FRMD4A: variants seen among roughly 807,000 people sequenced by gnomAD.
FRMD4A encodes FERM domain containing 4A.
In FRMD4A, 29 loss-of-function variants were observed where a neutral mutation model predicts 129.1. The ratio of observed to expected loss-of-function variants is 0.22; its 90% confidence interval spans 0.17 to 0.31. The LOEUF is 0.31. Ranked by LOEUF, FRMD4A falls within the 10% of genes least tolerant of loss-of-function variation. FRMD4A has a pLI of 1.00. For missense variants in FRMD4A, 1,272 were observed against 1,375.8 expected, an observed-to-expected ratio of 0.92 and a Z score of 1.19; for synonymous variants, 634 against 571.6, an observed-to-expected ratio of 1.11 and a Z score of -1.56.
At chr10:13,695,587 A>G (rs148708066) in intron 14 of FRMD4A, among the ~76,000 whole-genome samples, 68 of 152,366 alleles carry the variant, frequency 4.5e-4, no homozygotes, top group Non-Finnish European at 6.5e-4. Context: ...TGAAGGCAAC[A>G]GGCTTTGCCA....
chr10:13,779,998 G>C (rs1420759793), intron 6 of FRMD4A, among the ~76,000 whole-genome samples: 1 of 152,026 alleles, frequency 6.6e-6, no homozygotes, highest in Non-Finnish European at 1.5e-5. Context: ...TGCATGCCGG[G>C]GGTAGCCAGT....
At chr10:13,750,117 A>AAAGAAAGAAAAG (rs758199619) in intron 8 of FRMD4A, among the ~76,000 whole-genome samples, 1 of 133,124 alleles carries the variant, frequency 7.5e-6, no homozygotes, top group Non-Finnish European at 1.6e-5. Context: ...ATGAAGAAAG[A>AAAGAAAGAAAAG]AAGAAAGAAA....
intron 3 of FRMD4A, among the ~76,000 whole-genome samples, chr10:13,846,680 G>A (rs893601229): frequency 6.6e-6 from 1 of 152,224 alleles, no homozygotes; most frequent in Non-Finnish European, 1.5e-5. Flanking sequence ...AGAGTAGGTG[G>A]TTTGGGCACA....
At chr10:14,137,873 G>C (rs1321211076) in intron 2 of FRMD4A, among the ~76,000 whole-genome samples, 1 of 151,964 alleles carries the variant, frequency 6.6e-6, no homozygotes, top group Non-Finnish European at 1.5e-5. Context: ...ACTTTCATGA[G>C]ATGAGATTAT....
chr10:13,865,065 C>T (rs756980123), intron 2 of FRMD4A, among the ~76,000 whole-genome samples: 1 of 146,358 alleles, frequency 6.8e-6, no homozygotes, highest in Non-Finnish European at 1.5e-5. Flanking sequence ...GCCTCAACCT[C>T]CTGGGCTCAA....
chr10:13,657,561 GT>G, intron 21 of FRMD4A, 39 bp from the exon 22 acceptor site: 1 of 1,512,034 alleles, frequency 6.6e-7, no homozygotes, highest in Non-Finnish European at 8.8e-7. Flanking sequence ...GGGGTGGGGA[GT>G]GGGCCCAAGG....
At chr10:13,732,760 C>T (rs759683404) in intron 12 of FRMD4A, among the ~76,000 whole-genome samples, 8 of 152,222 alleles carry the variant, frequency 5.3e-5, no homozygotes, top group Non-Finnish European at 1.2e-4. Flanking sequence ...AGTGCCACCC[C>T]TCCCAGATGG....
chr10:13,986,827 C>T (rs1404374189), intron 2 of FRMD4A, among the ~76,000 whole-genome samples: 2 of 151,876 alleles, frequency 1.3e-5, no homozygotes, highest in African/African-American at 4.8e-5. Context: ...AGAAGAACCA[C>T]TGCTGTAGAC....
chr10:14,043,297 G>A (rs1316034411), intron 2 of FRMD4A, among the ~76,000 whole-genome samples: 1 of 152,076 alleles, frequency 6.6e-6, no homozygotes, highest in African/African-American at 2.4e-5. Flanking sequence ...AGTTCTGAAG[G>A]AATTCTAAAA....
intron 6 of FRMD4A, among the ~76,000 whole-genome samples, chr10:13,769,001 T>C (rs2092373202): frequency 6.7e-6 from 1 of 149,518 alleles, no homozygotes; most frequent in Non-Finnish European, 1.5e-5. Flanking sequence ...TTTTTTTTTT[T>C]TTTTTTGAGA....
chr10:14,299,595 T>G (rs1846119374), intron 2 of FRMD4A, among the ~76,000 whole-genome samples: 1 of 152,142 alleles, frequency 6.6e-6, no homozygotes, highest in Non-Finnish European at 1.5e-5. Flanking sequence ...CCAATCTCCA[T>G]TCCCCAGCAC....
intron 2 of FRMD4A, among the ~76,000 whole-genome samples, chr10:14,253,532 T>C (rs1473142016): frequency 1.3e-5 from 2 of 152,220 alleles, no homozygotes; most frequent in East Asian, 3.8e-4. Context: ...GGACAGATCG[T>C]TATAGCTTTA....
intron 2 of FRMD4A, among the ~76,000 whole-genome samples, chr10:14,085,485 T>A (rs1272722075): frequency 6.6e-6 from 1 of 152,216 alleles, no homozygotes; most frequent in African/African-American, 2.4e-5. Context: ...AGCCCCTGGA[T>A]GAGGCTCTGA....
At chr10:14,247,657 A>T (rs1213556587) in intron 2 of FRMD4A, among the ~76,000 whole-genome samples, 2 of 152,146 alleles carry the variant, frequency 1.3e-5, no homozygotes, top group African/African-American at 4.8e-5. Context: ...TTCCTTTAAA[A>T]ATGGCTTGGG....
chr10:13,869,553 A>G (rs2094416110), intron 2 of FRMD4A, among the ~76,000 whole-genome samples: 1 of 152,236 alleles, frequency 6.6e-6, no homozygotes, highest in South Asian at 2.1e-4. Flanking sequence ...GAAAGACGCA[A>G]TGGCATGGGC....
chr10:13,690,637 T>C (rs1237500631), intron 15 of FRMD4A, among the ~76,000 whole-genome samples: 2 of 152,142 alleles, frequency 1.3e-5, no homozygotes, highest in African/African-American at 4.8e-5. Flanking sequence ...GGTTGAGTCA[T>C]GGGGCTTTCT....
intron 2 of FRMD4A, among the ~76,000 whole-genome samples, chr10:13,917,390 C>T (rs1055296781): frequency 2.6e-5 from 4 of 151,130 alleles, no homozygotes; most frequent in African/African-American, 7.3e-5. Flanking sequence ...CCTGGGTTCA[C>T]GTGATTCTCC....
chr10:14,041,102 A>G (rs1459112108), intron 2 of FRMD4A, among the ~76,000 whole-genome samples: 1 of 152,218 alleles, frequency 6.6e-6, no homozygotes, highest in Non-Finnish European at 1.5e-5. Context: ...AACTTGCAGT[A>G]CTTTGAAAAA....
chr10:13,657,405 G>A lies in FRMD4A; in HGVS notation c.2184C>T (p.Pro728=). 4 of 1,612,812 alleles carry A rather than the reference G, an allele frequency of 2.5e-6. No homozygotes were observed. Among genetic ancestry groups the A allele is most frequent in the Non-Finnish European group, 3.4e-6 (4 of 1,179,876 alleles). Residue 728 remains proline (P), a synonymous_variant, in exon 22 of 25, where the codon CCC becomes CCT. Coordinates refer to ENST00000357447, the MANE Select transcript of FRMD4A (RefSeq NM_018027.5). ...LLGSENDTGS[P]DFYTPRTRSS... Reference sequence around the variant, plus strand: ...TACGAGTCCGCGGGGTGTAGAAGTCGGGGCTCCCGGTGTCGTTTTCCGAGC... The same window carrying A: ...TACGAGTCCGCGGGGTGTAGAAGTCAGGGCTCCCGGTGTCGTTTTCCGAGC...
Sources: allele counts gnomAD v4.1 joint callset (sites outside exome capture counted in the v4.1 genomes callset), GRCh38; gene constraint gnomAD v4.1.1; transcripts MANE v1.5; gene names NCBI Gene and HGNC (gene_info 2026-07-23, HGNC 2026-07-21).